Variants in YARS1 observed in about 807,000 individuals in gnomAD.
YARS1 encodes the protein tyrosyl-tRNA synthetase 1, also known as tyrosine--tRNA ligase, cytoplasmic.
A neutral mutation model predicts 62.2 loss-of-function variants in YARS1; 36 were observed. The observed-to-expected ratio is 0.58, with a 90% confidence interval of 0.44 to 0.76. The LOEUF is 0.76. Among genes scored for constraint, YARS1 ranks in the 30% least tolerant of loss-of-function variants. The pLI is 0.00. For synonymous variants in YARS1, 234 were observed against 244.9 expected (o/e 0.96, Z 0.42); for missense variants, 524 against 639.8 (o/e 0.82, Z 1.95).
chr1:32,809,143 G>A (rs996887077), intron 3 of YARS1, among the ~76,000 whole-genome samples: 2 of 151,646 alleles, frequency 1.3e-5, no homozygotes, highest in African/African-American at 2.4e-5. Context: ...CTGGAGTGCA[G>A]TGGTATGATC....
At chr1:32,796,362 T>C (rs934514745) in intron 5 of YARS1, among the ~76,000 whole-genome samples, 1 of 147,064 alleles carries the variant, frequency 6.8e-6, no homozygotes, top group Non-Finnish European at 1.5e-5. Flanking sequence ...ATTTATTTTT[T>C]TCTTTTTTGT....
chr1:32,802,978 A>ACTT lies in YARS1; in HGVS notation c.510+3503_510+3504insAAG, dbSNP rs1374994869. On this transcript the variant is annotated intron_variant, in intron 4 of 12. Transcript: ENST00000373477. ...CAGATGCGCGCCACAACGCCTGGCT[A>ACTT]TTTTTTTTTTTTTTTTTTTTTTGAG... 2.1e-4 allele frequency among the ~76,000 whole-genome samples: 19 copies of ACTT among 89,414 alleles called. 1 individual carries two copies. The highest frequency in any genetic ancestry group is 2.2e-4 in the Admixed American group (2 of 9,018). 58.7% of individuals were successfully genotyped at this position (89,414 alleles called of 152,430 possible).
chr1:32,803,286 C>CTTTTTTTT (rs60704395), intron 4 of YARS1, among the ~76,000 whole-genome samples: 1 of 134,970 alleles, frequency 7.4e-6, no homozygotes, highest in African/African-American at 2.8e-5. Context: ...CCTAATTCTT[C>CTTTTTTTT]TTTTTTTTTT....
At chr1:32,804,659 C>A (rs1638404799) in intron 4 of YARS1, among the ~76,000 whole-genome samples, 1 of 150,682 alleles carries the variant, frequency 6.6e-6, no homozygotes, top group Non-Finnish European at 1.5e-5. Flanking sequence ...AGGTGCTCCC[C>A]ACATCTGAGA....
At position 32,817,304 on chromosome 1, in the gene YARS1, C is replaced by CG; in HGVS notation, c.-61dup. ...GCACCAGAGCCCCTTCCTGGGTCAC[C>CG]GTCGCCGCCGCGTGCCGGGAACTGT... On this transcript the variant is annotated 5_prime_UTR_variant, in exon 1 of 13. An upstream open reading frame in the 5' UTR loses its in-frame stop. Transcript: ENST00000373477. The CG allele has an allele frequency of 6.2e-7, 1 of 1,602,338 alleles. No individual in the cohort carries two copies. Among genetic ancestry groups the CG allele is most frequent in the Non-Finnish European group, 8.5e-7 (1 of 1,172,380 alleles).
At chr1:32,784,487 C>A (rs1005240078) in intron 8 of YARS1, among the ~76,000 whole-genome samples, 5 of 152,012 alleles carry the variant, frequency 3.3e-5, no homozygotes, top group African/African-American at 1.2e-4. Context: ...CTAGTCAGAC[C>A]AAACCACCTG....
intron 9 of YARS1, chr1:32,781,540 C>G: frequency 2.8e-5 from 5 of 178,730 alleles, no homozygotes; most frequent in South Asian, 1.2e-4. Context: ...GCAACAGAGC[C>G]AGACTCTGTC....
chr1:32,805,668 T>C (rs1638445891), intron 4 of YARS1, among the ~76,000 whole-genome samples: 1 of 151,696 alleles, frequency 6.6e-6, no homozygotes, highest in East Asian at 1.9e-4. Context: ...AGATTTAAAG[T>C]GACAGATGTG....
At chr1:32,781,350 A>C in intron 9 of YARS1, 3 of 608,026 alleles carry the variant, frequency 4.9e-6, no homozygotes, top group Non-Finnish European at 6.0e-6. Context: ...TCCCTCAATT[A>C]TTAGACTAGC....
intron 1 of YARS1, among the ~76,000 whole-genome samples, chr1:32,813,227 C>T (rs1569782539): frequency 6.6e-6 from 1 of 152,324 alleles, no homozygotes; most frequent in African/African-American, 2.4e-5. Flanking sequence ...CCACCTTGGA[C>T]GCATGTTCTC....
At position 32,779,529 on chromosome 1, in the gene YARS1, A is replaced by T. The variant is rs769544929; in HGVS notation, c.1335-6T>A. On this transcript the variant is annotated splice_polypyrimidine_tract_variant and splice_region_variant and intron_variant, in intron 11 of 12. Transcript: ENST00000373477. ...CCTGGCGGTTTATCCCTTCTCTGGG[A>T]AGACACAGGACAAGAGAAGAGTGAG... 5.6e-6 allele frequency: 9 copies of T among 1,614,162 alleles called. No individual in the cohort carries two copies. Among genetic ancestry groups the T allele is most frequent in the Non-Finnish European group, 7.6e-6 (9 of 1,180,034 alleles).
chr1:32,798,215 A>G, intron 4 of YARS1: 1 of 236,406 alleles, frequency 4.2e-6, no homozygotes, highest in East Asian at 1.1e-4. Flanking sequence ...GAGAAATCAG[A>G]AACTTTAGGA....
chr1:32,777,681 C>T (rs1652913039), intron 12 of YARS1, among the ~76,000 whole-genome samples: 1 of 152,086 alleles, frequency 6.6e-6, no homozygotes, highest in Non-Finnish European at 1.5e-5. Flanking sequence ...AATTCCAGTG[C>T]TTTGCAAGGC....
intron 4 of YARS1, among the ~76,000 whole-genome samples, chr1:32,802,865 T>G (rs1638334064): frequency 6.6e-6 from 1 of 152,026 alleles, no homozygotes; most frequent in Non-Finnish European, 1.5e-5. Context: ...CAGGCTGGAG[T>G]GCAGTGGTGT....
chr1:32,812,393 G>C lies in YARS1; in HGVS notation c.58-1336C>G, dbSNP rs185311651. Reference sequence around the variant, plus strand: ...AGACTGACAAAACAAACTCTCTGTAGCAATAAGATACCAAATTCCAAACTG... The same window carrying C: ...AGACTGACAAAACAAACTCTCTGTACCAATAAGATACCAAATTCCAAACTG... On this transcript the variant is annotated intron_variant, in intron 1 of 12. Coordinates refer to ENST00000373477, the MANE Select transcript of YARS1 (RefSeq NM_003680.4). 2.0e-5 allele frequency among the ~76,000 whole-genome samples: 3 copies of C among 152,270 alleles called. No individual in the cohort carries two copies. The East Asian group carries it at 5.8e-4, about 29-fold the overall frequency.
intron 1 of YARS1, among the ~76,000 whole-genome samples, chr1:32,815,520 C>G (rs1026888182): frequency 1.0e-4 from 15 of 145,880 alleles, no homozygotes; most frequent in African/African-American, 3.4e-4. Context: ...ATGGAATAAC[C>G]CAAATGTCCA....
In YARS1 at chr1:32,796,245, G is replaced by A. The variant is rs376031708; in HGVS notation, c.591+1518C>T. 7.4e-4 allele frequency among the ~76,000 whole-genome samples: 112 copies of A among 151,838 alleles called. 1 individual carries two copies. In the South Asian group the frequency reaches 0.016, roughly 21 times the overall value. On this transcript the variant is annotated intron_variant, in intron 5 of 12. Coordinates refer to ENST00000373477, the MANE Select transcript of YARS1 (RefSeq NM_003680.4). ...TGGGAAACAGAGGTTGCAGTGAGCCGAGATCGCGCCACTGCACTCCAGCCC... is the reference window on the plus strand; with the variant it reads ...TGGGAAACAGAGGTTGCAGTGAGCCAAGATCGCGCCACTGCACTCCAGCCC...
At chr1:32,797,874 CTACTT>C in intron 4 of YARS1, 31 bp from the exon 5 acceptor site, 1 of 1,594,448 alleles carries the variant, frequency 6.3e-7, no homozygotes, top group Non-Finnish European at 8.6e-7. Context: ...ACATAAACAT[CTACTT>C]TATTTTTTTG....
chr1:32,817,038 C>T (rs1176892053), intron 1 of YARS1, 150 bp downstream of exon 1: 3 of 985,938 alleles, frequency 3.0e-6, no homozygotes, highest in African/African-American at 1.6e-5. Flanking sequence ...ATTGACTGAC[C>T]GACCAGCAGT....
Sources: gnomAD v4.1 joint callset for allele counts (sites outside exome capture counted in the v4.1 genomes callset) on GRCh38, gnomAD v4.1.1 for gene constraint, MANE v1.5 for transcripts, NCBI Gene and HGNC (gene_info 2026-07-23, HGNC 2026-07-21) for gene names.